The following ZDHHC14 variants were observed in gnomAD, a reference collection of about 807,000 sequenced individuals.
The protein encoded by ZDHHC14 is zDHHC palmitoyltransferase 14, also known as palmitoyltransferase ZDHHC14.
In ZDHHC14, 16 loss-of-function variants were observed where a neutral mutation model predicts 47.7. The ratio of observed to expected loss-of-function variants is 0.34; its 90% CI spans 0.23 to 0.51. The LOEUF (loss-of-function observed/expected upper bound fraction) is 0.51, where lower values mean the gene tolerates loss of function less well. Among genes scored for constraint, ZDHHC14 ranks in the 20% least tolerant of loss-of-function variants. The probability of loss-of-function intolerance (pLI) is 0.97; values close to 1 mark genes in which losing one functional copy is unlikely to be tolerated. For missense variants in ZDHHC14, 515 were observed against 662.5 expected (o/e 0.78, Z 2.44); for synonymous variants, 293 against 278.9 (o/e 1.05, Z -0.50).
chr6:157,451,517 TA>T (rs1662131848), intron 1 of ZDHHC14, among the ~76,000 whole-genome samples: 1 of 152,250 alleles, frequency 6.6e-6, no homozygotes, highest in Admixed American at 6.5e-5. Flanking sequence ...AATAAATGAG[TA>T]TATGAATTAA....
At chr6:157,634,372 A>G (rs547843451) in intron 5 of ZDHHC14, among the ~76,000 whole-genome samples, 2 of 152,328 alleles carry the variant, frequency 1.3e-5, no homozygotes, top group East Asian at 1.9e-4. Context: ...CAGGGAATGA[A>G]TGAAATCTTC....
intron 1 of ZDHHC14, among the ~76,000 whole-genome samples, chr6:157,403,467 G>C (rs1226893849): frequency 6.6e-6 from 1 of 152,166 alleles, no homozygotes; most frequent in Non-Finnish European, 1.5e-5. Context: ...GCTGCCAGTT[G>C]CTTTCTTCCT....
At chr6:157,647,063 C>A (rs1429569847) in intron 6 of ZDHHC14, among the ~76,000 whole-genome samples, 196 bp from the exon 7 acceptor site, 1 of 152,188 alleles carries the variant, frequency 6.6e-6, no homozygotes, top group Non-Finnish European at 1.5e-5. Flanking sequence ...GAATGTTATT[C>A]TTTCCCTATT....
At chr6:157,536,772 T>C (rs1781555378) in intron 1 of ZDHHC14, among the ~76,000 whole-genome samples, 2 of 150,886 alleles carry the variant, frequency 1.3e-5, no homozygotes, top group East Asian at 3.8e-4. Context: ...ATTTTATATC[T>C]ATCTATCTGT....
At chr6:157,602,935 A>G (rs372297426) in intron 3 of ZDHHC14, among the ~76,000 whole-genome samples, 142 of 152,310 alleles carry the variant, frequency 9.3e-4, no homozygotes, top group African/African-American at 3.2e-3. Flanking sequence ...TCAATCAAAC[A>G]ATCTAATCCA....
chr6:157,595,933 G>A (rs1784110439), intron 3 of ZDHHC14, among the ~76,000 whole-genome samples: 1 of 152,224 alleles, frequency 6.6e-6, no homozygotes, highest in Non-Finnish European at 1.5e-5. Context: ...AGGAAGTGGG[G>A]AAGTTTGGGG....
At chr6:157,618,682 CT>C (rs1481492032) in intron 3 of ZDHHC14, among the ~76,000 whole-genome samples, 1 of 152,132 alleles carries the variant, frequency 6.6e-6, no homozygotes, top group African/African-American at 2.4e-5. Flanking sequence ...TTCTAGGAAG[CT>C]CAGAGACCTC....
At chr6:157,669,415 C>G (rs1362260076) in intron 8 of ZDHHC14, among the ~76,000 whole-genome samples, 1 of 152,090 alleles carries the variant, frequency 6.6e-6, no homozygotes, top group African/African-American at 2.4e-5. Flanking sequence ...TGAGGCGAGC[C>G]CACCTCTTCC....
chr6:157,659,807 C>T (rs1296803536), intron 8 of ZDHHC14, among the ~76,000 whole-genome samples: 1 of 152,190 alleles, frequency 6.6e-6, no homozygotes, highest in Non-Finnish European at 1.5e-5. Context: ...AGTTAGAGCT[C>T]AAAATCAATA....
chr6:157,474,081 C>T (rs544119553), intron 1 of ZDHHC14, among the ~76,000 whole-genome samples: 6 of 151,852 alleles, frequency 4.0e-5, no homozygotes, highest in Admixed American at 1.3e-4. Context: ...CTCCACCTCC[C>T]GGGTTCAAGC....
At chr6:157,656,327 A>G (rs634718) in intron 8 of ZDHHC14, among the ~76,000 whole-genome samples, 95,235 of 151,440 alleles carry the variant, frequency 0.63, 30,227 homozygotes, top group African/African-American at 0.71. Context: ...AATTCAGTGT[A>G]AGGCTACTTT....
chr6:157,597,405 G>A (rs1387802813), intron 3 of ZDHHC14, among the ~76,000 whole-genome samples: 1 of 152,214 alleles, frequency 6.6e-6, no homozygotes, highest in Non-Finnish European at 1.5e-5. Context: ...CGTCGGAATT[G>A]CCAGCAGCTT....
chr6:157,659,185 A>C (rs531254778), intron 8 of ZDHHC14, among the ~76,000 whole-genome samples: 58 of 152,364 alleles, frequency 3.8e-4, no homozygotes, highest in African/African-American at 1.4e-3. Context: ...ATAATTTGTA[A>C]AACTGGAGGG....
intron 1 of ZDHHC14, among the ~76,000 whole-genome samples, chr6:157,433,665 G>T (rs1389481096): frequency 6.6e-6 from 1 of 152,100 alleles, no homozygotes; most frequent in Non-Finnish European, 1.5e-5. Flanking sequence ...ACTCTGAAGG[G>T]CAGGTTTTGG....
At chr6:157,547,205 T>C (rs142790097) in intron 2 of ZDHHC14, among the ~76,000 whole-genome samples, 1 of 152,364 alleles carries the variant, frequency 6.6e-6, no homozygotes, top group Non-Finnish European at 1.5e-5. Context: ...TGTGTGTTCC[T>C]TCTCTCCTTC....
At chr6:157,512,107 G>T (rs1780512246) in intron 1 of ZDHHC14, among the ~76,000 whole-genome samples, 1 of 152,192 alleles carries the variant, frequency 6.6e-6, no homozygotes, top group African/African-American at 2.4e-5. Flanking sequence ...TTTAATTCTT[G>T]CAGTTCCCTC....
intron 3 of ZDHHC14, among the ~76,000 whole-genome samples, chr6:157,614,577 T>C (rs1784885557): frequency 6.6e-6 from 1 of 152,102 alleles, no homozygotes; most frequent in Non-Finnish European, 1.5e-5. Context: ...AGAAAAACTC[T>C]CTATAAATCC....
intron 2 of ZDHHC14, among the ~76,000 whole-genome samples, chr6:157,544,593 T>C (rs144478562): frequency 0.013 from 2,054 of 152,222 alleles, 55 homozygotes; most frequent in African/African-American, 0.046. Context: ...AGGGTTGCAG[T>C]GAGCCAAGAT....
Position 157,632,826 on chromosome 6 carries a change from T to G in ZDHHC14, c.704-8T>G. 6.2e-7 allele frequency: 1 copy of G among 1,614,180 alleles called. No individual in the cohort carries two copies. Among genetic ancestry groups the G allele is most frequent in the Non-Finnish European group, 8.5e-7 (1 of 1,179,994 alleles). ...TCTGAATACTAAATGTTGGTTTCAT[T>G]CCCACAGGTTCACAGCAAACAGGAT... On this transcript the variant is annotated splice_region_variant and splice_polypyrimidine_tract_variant and intron_variant, in intron 4 of 8. Transcript: ENST00000359775.
Sources: gnomAD v4.1 joint callset for allele counts (sites outside exome capture counted in the v4.1 genomes callset) on GRCh38, gnomAD v4.1.1 for gene constraint, MANE v1.5 for transcripts, NCBI Gene and HGNC (gene_info 2026-07-23, HGNC 2026-07-21) for gene names.